Variants in FREM2 observed in about 807,000 individuals in gnomAD.
FREM2 encodes FRAS1 related extracellular matrix 2, also known as FRAS1-related extracellular matrix protein 2.
A neutral mutation model predicts 219.9 loss-of-function variants in FREM2; 119 were observed. That is an observed-to-expected ratio of 0.54 (90% confidence interval 0.47 to 0.63). The LOEUF is 0.63. Ranked by LOEUF, FREM2 falls within the 30% of genes least tolerant of loss-of-function variation. The pLI is 0.00. For synonymous variants in FREM2, 1,562 were observed against 1,522.8 expected (o/e 1.03, Z -0.60); for missense variants, 4,030 against 3,993.6 (o/e 1.01, Z -0.25).
chr13:38,811,044 T>G (rs570814003), intron 6 of FREM2, among the ~76,000 whole-genome samples: 2 of 152,134 alleles, frequency 1.3e-5, no homozygotes, highest in South Asian at 4.1e-4. Context: ...ATTAATTTTT[T>G]ATATTACATT....
chr13:38,709,633 A>G (rs1450034470), intron 2 of FREM2, among the ~76,000 whole-genome samples: 1 of 152,138 alleles, frequency 6.6e-6, no homozygotes, highest in African/African-American at 2.4e-5. Flanking sequence ...TATAAGTGCT[A>G]TATCATAGTA....
chr13:38,784,854 C>A (rs546042836), intron 6 of FREM2, 46 bp downstream of exon 6: 1 of 1,596,698 alleles, frequency 6.3e-7, no homozygotes, highest in Non-Finnish European at 8.6e-7. Flanking sequence ...GGAAGATCAA[C>A]ATCAGGAACA....
intron 11 of FREM2, among the ~76,000 whole-genome samples, chr13:38,854,639 C>CT (rs1877488920): frequency 6.6e-6 from 1 of 152,118 alleles, no homozygotes; most frequent in South Asian, 2.1e-4. Context: ...GGAACAAGAA[C>CT]TGTAAGTTCT....
chr13:38,881,917 A>T lies in FREM2; in HGVS notation c.*1130A>T, dbSNP rs1459426513. 6.6e-6 allele frequency: 1 copy of T among 152,116 alleles called. No individual in the cohort carries two copies. Among genetic ancestry groups the T allele is most frequent in the Admixed American group, 6.5e-5 (1 of 15,270 alleles). 9.4% of individuals were successfully genotyped at this position (152,116 alleles called of 1,614,324 possible). A position where few individuals can be genotyped will look rare whatever the true frequency, so the allele number is the denominator to read the frequency against. ...TTCTATCCAGCATCTGGTCCAAACG[A>T]TGGGACTCTCTGCAACTATCATTCC... is the stretch of plus-strand genomic sequence containing the variant. On this transcript the variant is annotated 3_prime_UTR_variant, in exon 24 of 24. Coordinates refer to ENST00000280481, the MANE Select transcript of FREM2 (RefSeq NM_207361.6).
intron 6 of FREM2, among the ~76,000 whole-genome samples, chr13:38,824,433 C>T (rs1876192509): frequency 6.6e-6 from 1 of 152,014 alleles, no homozygotes; most frequent in Admixed American, 6.6e-5. Context: ...AAGACCGTGG[C>T]ATTTTAGGAA....
At chr13:38,840,422 CTT>C (rs66970622) in intron 6 of FREM2, among the ~76,000 whole-genome samples, 121 of 132,036 alleles carry the variant, frequency 9.2e-4, no homozygotes, top group Admixed American at 1.5e-3. Flanking sequence ...GGGATTTCTC[CTT>C]TTTTTTTTTT....
At chr13:38,746,658 A>AT (rs1566126190) in intron 2 of FREM2, among the ~76,000 whole-genome samples, 1 of 152,064 alleles carries the variant, frequency 6.6e-6, no homozygotes, top group Non-Finnish European at 1.5e-5. Context: ...AAGCTTATGC[A>AT]TTTTTTAGGC....
rs1446618124 is a variant in FREM2 at position 38,688,161 on chromosome 13, C to T, written c.817C>T (p.Arg273Cys). 3.7e-6 allele frequency: 6 copies of T among 1,613,562 alleles called. No homozygotes were observed. Among genetic ancestry groups the T allele is most frequent in the South Asian group, 3.3e-5 (3 of 91,086 alleles). ...GVRYRHTAASRSPNRDWIPMV... is the reference protein window; with the variant it reads ...GVRYRHTAASCSPNRDWIPMV... Reference sequence around the variant, plus strand: ...GCGCTATCGCCACACAGCCGCCAGTCGCTCACCAAACAGGGACTGGATACC... The same window carrying T: ...GCGCTATCGCCACACAGCCGCCAGTTGCTCACCAAACAGGGACTGGATACC... Residue 273 changes from arginine to cysteine, a missense_variant, in exon 1 of 24, where the codon CGC becomes TGC. By Grantham distance (180) the Arg-to-Cys change is radical. Coordinates refer to ENST00000280481, the MANE Select transcript of FREM2 (RefSeq NM_207361.6).
chr13:38,862,627 T>C (rs1048392051), intron 15 of FREM2, among the ~76,000 whole-genome samples: 1 of 152,192 alleles, frequency 6.6e-6, no homozygotes, highest in Non-Finnish European at 1.5e-5. Flanking sequence ...TCTGAGTGAA[T>C]CTGAGAGGAA....
intron 4 of FREM2, among the ~76,000 whole-genome samples, chr13:38,776,925 A>G (rs1459586145): frequency 2.0e-5 from 3 of 152,102 alleles, no homozygotes; most frequent in East Asian, 1.9e-4. Context: ...GACTATTTCT[A>G]TAATGTAGCC....
In FREM2 at chr13:38,688,818, C is replaced by G. The variant is rs759347480; in HGVS notation, c.1474C>G (p.Leu492Val). The change falls in exon 1 of 24, where the codon CTT (leucine) becomes GTT (valine). Residue 492 changes from leucine to valine, a missense_variant. Physicochemically the swap from Leu to Val is conservative, Grantham distance 32. Transcript: ENST00000280481. ...EVVAGLRHGHLVILGASSGSS... is the reference protein window; with the variant it reads ...EVVAGLRHGHVVILGASSGSS... ...GGTGGCTGGGCTCCGGCATGGTCAC[C>G]TTGTCATTCTGGGTGCTTCCAGTGG... 1.2e-6 allele frequency: 2 copies of G among 1,613,932 alleles called. No homozygotes were observed. The highest frequency in any genetic ancestry group is 1.7e-6 in the Non-Finnish European group (2 of 1,180,044).
chr13:38,778,397 G>C lies in FREM2; in HGVS notation c.5642-4673G>C, dbSNP rs566162410. Among the ~76,000 whole-genome samples the C allele has an allele frequency of 1.5e-3, 223 of 152,260 alleles. 2 individuals carry two copies. The highest frequency in any genetic ancestry group is 0.014 in the Middle Eastern group (4 of 294). Reference sequence around the variant, plus strand: ...TTCAAAAGACGTTTCCTTGGTGCATGCTCATGGAGAGAAAAATACCTCTGT... The same window carrying C: ...TTCAAAAGACGTTTCCTTGGTGCATCCTCATGGAGAGAAAAATACCTCTGT... On this transcript the variant is annotated intron_variant, in intron 4 of 23. Transcript: ENST00000280481.
chr13:38,753,970 TA>T (rs1326655344), intron 2 of FREM2, among the ~76,000 whole-genome samples: 2 of 148,578 alleles, frequency 1.3e-5, no homozygotes, highest in African/African-American at 5.0e-5. Flanking sequence ...TATTTTATTT[TA>T]TTTTTTATTT....
intron 2 of FREM2, among the ~76,000 whole-genome samples, chr13:38,750,879 A>C (rs1412123847): frequency 6.6e-6 from 1 of 152,124 alleles, no homozygotes; most frequent in African/African-American, 2.4e-5. Flanking sequence ...TTTTTAGTAG[A>C]GATGGGATTT....
chr13:38,688,005 C>T lies in FREM2; in HGVS notation c.661C>T (p.Leu221=). Residue 221 remains leucine, a synonymous_variant, in exon 1 of 24, where the codon CTG becomes TTG. Transcript: ENST00000280481. ...PETEECRVGI[L]SGLGALPRYG... is the part of the protein sequence containing the mutation. ...GACAGAGGAGTGCCGCGTGGGCATC[C>T]TGTCCGGCTTGGGCGCGCTGCCTCG... 6.2e-7 allele frequency: 1 copy of T among 1,612,222 alleles called. No individual in the cohort carries two copies. Among genetic ancestry groups the T allele is most frequent in the Non-Finnish European group, 8.5e-7 (1 of 1,178,758 alleles).
chr13:38,735,554 A>C (rs1159708831), intron 2 of FREM2, among the ~76,000 whole-genome samples: 4 of 152,224 alleles, frequency 2.6e-5, no homozygotes, highest in Admixed American at 6.5e-5. Context: ...TACTTGAATT[A>C]CTTTTTATCA....
chr13:38,806,929 TC>T (rs1236842452), intron 6 of FREM2, among the ~76,000 whole-genome samples: 1 of 151,536 alleles, frequency 6.6e-6, no homozygotes, highest in Non-Finnish European at 1.5e-5. Flanking sequence ...AAAAGTAGAT[TC>T]CATCTCAAGA....
chr13:38,854,990 C>T (rs144723997), intron 11 of FREM2, among the ~76,000 whole-genome samples: 42 of 152,214 alleles, frequency 2.8e-4, no homozygotes, highest in African/African-American at 7.9e-4. Flanking sequence ...TCCTTTGAAA[C>T]GGTATCTTAA....
At chr13:38,735,490 A>G (rs1223763488) in intron 2 of FREM2, among the ~76,000 whole-genome samples, 1 of 152,172 alleles carries the variant, frequency 6.6e-6, no homozygotes, top group Non-Finnish European at 1.5e-5. Flanking sequence ...CTGCTTTGTC[A>G]TTTCAGTTTC....
Sources: allele counts gnomAD v4.1 joint callset (sites outside exome capture counted in the v4.1 genomes callset), GRCh38; gene constraint gnomAD v4.1.1; transcripts MANE v1.5; gene names NCBI Gene and HGNC (gene_info 2026-07-23, HGNC 2026-07-21).